KDM7A: variants seen among roughly 807,000 people sequenced by gnomAD.
KDM7A encodes the protein lysine demethylase 7A.
KDM7A carries 28 observed loss-of-function variants against 114.8 expected under a neutral mutation model. The ratio of observed to expected loss-of-function variants is 0.24; its 90% CI spans 0.18 to 0.33. KDM7A has a LOEUF of 0.33. KDM7A is among the 10% of genes least tolerant of loss of function. KDM7A has a pLI of 1.00. For missense variants in KDM7A, 942 were observed against 1,142.5 expected, an observed-to-expected ratio of 0.82 and a Z score of 2.53; for synonymous variants, 423 against 397.8, an observed-to-expected ratio of 1.06 and a Z score of -0.75.
chr7:140,175,273 A>C (rs904863826), intron 1 of KDM7A, among the ~76,000 whole-genome samples: 2 of 152,220 alleles, frequency 1.3e-5, no homozygotes, highest in African/African-American at 4.8e-5. Flanking sequence ...AACACTGCAA[A>C]GAACATTGTG....
intron 12 of KDM7A, 143 bp downstream of exon 12, chr7:140,101,808 C>T: frequency 1.6e-6 from 1 of 636,370 alleles, no homozygotes; most frequent in South Asian, 1.9e-5. Context: ...CTCCCTGTCA[C>T]AGGCATAACT....
intron 9 of KDM7A, among the ~76,000 whole-genome samples, chr7:140,114,514 G>C (rs1449403475): frequency 3.3e-5 from 5 of 149,842 alleles, no homozygotes; most frequent in Admixed American, 1.3e-4. Context: ...ATCTCGGCTC[G>C]CTACAACCTC....
In KDM7A at chr7:140,129,716, C is replaced by T. The variant is rs377322245; in HGVS notation, c.399-63G>A. The T allele has an allele frequency of 1.1e-4, 113 of 1,021,188 alleles. No individual in the cohort carries two copies. In the East Asian group the frequency reaches 1.2e-3, roughly 11 times the overall value. 63.3% of individuals were successfully genotyped at this position (1,021,188 alleles called of 1,614,324 possible). Reference sequence around the variant, plus strand: ...TGGTAAGGTCAGTTTAAAAAAAATACGGTAGTGATGGGTTAATTCATATAC... The same window carrying T: ...TGGTAAGGTCAGTTTAAAAAAAATATGGTAGTGATGGGTTAATTCATATAC... On this transcript the variant is annotated intron_variant, in intron 3 of 19. Coordinates refer to ENST00000397560, the MANE Select transcript of KDM7A (RefSeq NM_030647.2).
At chr7:140,104,673 C>G (rs978638563) in intron 11 of KDM7A, among the ~76,000 whole-genome samples, 1 of 152,162 alleles carries the variant, frequency 6.6e-6, no homozygotes, top group South Asian at 2.1e-4. Context: ...GGTGCCAGTA[C>G]CATGCTGTTT....
intron 11 of KDM7A, among the ~76,000 whole-genome samples, chr7:140,104,564 G>A (rs1015691294): frequency 2.0e-5 from 3 of 151,782 alleles, no homozygotes; most frequent in Non-Finnish European, 4.4e-5. Context: ...ATAGGGAATC[G>A]TTTCCCCATT....
At chr7:140,144,548 G>A (rs1794319129) in intron 1 of KDM7A, among the ~76,000 whole-genome samples, 1 of 152,164 alleles carries the variant, frequency 6.6e-6, no homozygotes, top group Admixed American at 6.5e-5. Flanking sequence ...GCTAAGTTTA[G>A]TGTGAGACAC....
At chr7:140,147,562 C>T (rs571004997) in intron 1 of KDM7A, among the ~76,000 whole-genome samples, 2 of 152,282 alleles carry the variant, frequency 1.3e-5, no homozygotes, top group South Asian at 4.1e-4. Context: ...CCCAACTACT[C>T]ATTTTCTTCA....
At position 140,089,831 on chromosome 7, in the gene KDM7A, A is replaced by G. The variant is rs1056436259; in HGVS notation, c.*1263T>C. The G allele has an allele frequency of 1.3e-5, 2 of 152,212 alleles. No homozygotes were observed. Among genetic ancestry groups the G allele is most frequent in the African/African-American group, 2.4e-5 (1 of 41,458 alleles). 9.4% of individuals were successfully genotyped at this position (152,212 alleles called of 1,614,324 possible). ...AAAGCACCCATTTTACTCCAAATCC[A>G]TATCTTAAGTAATTCTTTAGAAAAT... On this transcript the variant is annotated 3_prime_UTR_variant, in exon 20 of 20. Coordinates refer to ENST00000397560, the MANE Select transcript of KDM7A (RefSeq NM_030647.2).
intron 1 of KDM7A, among the ~76,000 whole-genome samples, chr7:140,174,482 T>G (rs536379384): frequency 6.6e-6 from 1 of 152,350 alleles, no homozygotes; most frequent in Admixed American, 6.5e-5. Flanking sequence ...TACAAAATTC[T>G]CCATCAAATA....
intron 16 of KDM7A, 61 bp downstream of exon 16, chr7:140,096,838 A>C: frequency 6.3e-7 from 1 of 1,590,514 alleles, no homozygotes; most frequent in Non-Finnish European, 8.6e-7. Flanking sequence ...TAAAACTAAA[A>C]AAAGTGTTCA....
At position 140,085,599 on chromosome 7, in the gene KDM7A, T is replaced by C. The variant is rs1817912944; in HGVS notation, c.*5495A>G. 1 of 152,252 alleles carries C rather than the reference T, an allele frequency of 6.6e-6. No individual in the cohort carries two copies. The highest frequency in any genetic ancestry group is 1.5e-5 in the Non-Finnish European group (1 of 68,048). 9.4% of individuals were successfully genotyped at this position (152,252 alleles called of 1,614,324 possible). On this transcript the variant is annotated 3_prime_UTR_variant, in exon 20 of 20. Transcript: ENST00000397560. Reference sequence around the variant, plus strand: ...AAGATGCATTTCCTGATCAGTGCTATTTCATACCTAACAACTGTATGACTT... The same window carrying C: ...AAGATGCATTTCCTGATCAGTGCTACTTCATACCTAACAACTGTATGACTT...
chr7:140,085,629 T>C lies in KDM7A; in HGVS notation c.*5465A>G, dbSNP rs574995087. 1 of 152,362 alleles carries C rather than the reference T, an allele frequency of 6.6e-6. No homozygotes were observed. Among genetic ancestry groups the C allele is most frequent in the African/African-American group, 2.4e-5 (1 of 41,590 alleles). 9.4% of individuals were successfully genotyped at this position (152,362 alleles called of 1,614,324 possible). On this transcript the variant is annotated 3_prime_UTR_variant, in exon 20 of 20. Transcript: ENST00000397560. ...TACCTAACAACTGTATGACTTGCTT[T>C]TGCAGTCAGAAGCTGTTTTTGGAAA...
chr7:140,098,970 A>G lies in KDM7A; in HGVS notation c.1827T>C (p.Asp609=). ...LYTADSENEE[D]KRRTKKAKMK... is the part of the protein sequence containing the mutation. ...TTTTTGCCTTTTTTGTCCTTCTTTTATCCTCTTCATTTTCACTATCTGCTG... is the reference window on the plus strand; with the variant it reads ...TTTTTGCCTTTTTTGTCCTTCTTTTGTCCTCTTCATTTTCACTATCTGCTG... Residue 609 remains aspartate, a synonymous_variant, in exon 14 of 20, where the codon GAT becomes GAC. Coordinates refer to ENST00000397560, the MANE Select transcript of KDM7A (RefSeq NM_030647.2). 1.2e-6 allele frequency: 2 copies of G among 1,612,862 alleles called. No individual in the cohort carries two copies. The highest frequency in any genetic ancestry group is 1.7e-6 in the Non-Finnish European group (2 of 1,179,310).
intron 1 of KDM7A, among the ~76,000 whole-genome samples, chr7:140,151,612 A>G (rs2116836455): frequency 1.3e-5 from 2 of 152,334 alleles, no homozygotes; most frequent in East Asian, 3.9e-4. Context: ...CTGATTATTT[A>G]GGTTCAGGCA....
intron 14 of KDM7A, among the ~76,000 whole-genome samples, chr7:140,097,989 G>A (rs538918314): frequency 6.6e-6 from 1 of 152,292 alleles, no homozygotes; most frequent in African/African-American, 2.4e-5. Context: ...TTTTGCATTA[G>A]TTGTATCATT....
At chr7:140,134,633 G>A (rs1818839422) in intron 2 of KDM7A, among the ~76,000 whole-genome samples, 1 of 151,532 alleles carries the variant, frequency 6.6e-6, no homozygotes, top group Non-Finnish European at 1.5e-5. Flanking sequence ...ACTGATATCT[G>A]CAATTTATTT....
At chr7:140,103,306 C>CA (rs1818264379) in intron 11 of KDM7A, among the ~76,000 whole-genome samples, 1 of 148,224 alleles carries the variant, frequency 6.7e-6, no homozygotes, top group South Asian at 2.1e-4. Flanking sequence ...TCAGCATTTC[C>CA]TTTTTTTTTT....
chr7:140,137,486 A>G (rs1818890530), intron 2 of KDM7A, among the ~76,000 whole-genome samples: 1 of 152,332 alleles, frequency 6.6e-6, no homozygotes, highest in East Asian at 1.9e-4. Flanking sequence ...CCCTTGAGAT[A>G]ACATCATATT....
rs1818006266 is a variant in KDM7A at position 140,090,875 on chromosome 7, G to A, written c.*219C>T. 2.0e-6 allele frequency: 1 copy of A among 497,702 alleles called. No homozygotes were observed. The highest frequency in any genetic ancestry group is 3.6e-6 in the Non-Finnish European group (1 of 279,034). The allele number at this position is 497,702 out of a possible 1,614,324, so 30.8% of individuals were successfully genotyped here. A position where few individuals can be genotyped will look rare whatever the true frequency, so the allele number is the denominator to read the frequency against. ...TTTCCAGTTCAAGGTCTCTTTTTAA[G>A]GTTCTACCCTCCTTCTTCCTCTCCC... On this transcript the variant is annotated 3_prime_UTR_variant, in exon 20 of 20. Transcript: ENST00000397560.
Sources: allele counts gnomAD v4.1 joint callset (sites outside exome capture counted in the v4.1 genomes callset), GRCh38; gene constraint gnomAD v4.1.1; transcripts MANE v1.5; gene names NCBI Gene and HGNC (gene_info 2026-07-23, HGNC 2026-07-21).